NRXN1: variants seen among roughly 807,000 people sequenced by gnomAD.
NRXN1 encodes the protein neurexin-1.
NRXN1 carries 39 observed loss-of-function variants against 150.9 expected under a neutral mutation model. The observed-to-expected ratio is 0.26, with a 90% CI of 0.20 to 0.34. The LOEUF is 0.34. Among genes scored for constraint, NRXN1 ranks in the 10% least tolerant of loss-of-function variants. The probability of loss-of-function intolerance (pLI) is 1.00; values close to 1 mark genes in which losing one functional copy is unlikely to be tolerated. For missense variants in NRXN1, 1,815 were observed against 1,949.9 expected (o/e 0.93, Z 1.30); for synonymous variants, 924 against 757.0 (o/e 1.22, Z -3.62).
chr2:50,888,979 A>G (rs190794731), intron 5 of NRXN1, among the ~76,000 whole-genome samples: 103 of 151,826 alleles, frequency 6.8e-4, no homozygotes, highest in African/African-American at 2.4e-3. Flanking sequence ...TCAGATTATA[A>G]TATGTTTAAT....
Position 50,971,531 on chromosome 2 carries a change from C to A in NRXN1, c.773-45576G>T, listed in dbSNP as rs571496285. Among the ~76,000 whole-genome samples the A allele has an allele frequency of 3.2e-4, 49 of 151,680 alleles. No homozygotes were observed. The South Asian group carries it at 8.3e-3, about 26-fold the overall frequency. On this transcript the variant is annotated intron_variant, in intron 2 of 22. Coordinates refer to ENST00000401669, the MANE Select transcript of NRXN1 (RefSeq NM_001330078.2). ...CCAGGAGGAGGAGGTTGCGGTGAGCCGAGATTGTGTCATTGCACTCCAGCC... is the reference window on the plus strand; with the variant it reads ...CCAGGAGGAGGAGGTTGCGGTGAGCAGAGATTGTGTCATTGCACTCCAGCC...
intron 2 of NRXN1, among the ~76,000 whole-genome samples, chr2:51,003,469 A>C (rs2105112439): frequency 6.6e-6 from 1 of 152,126 alleles, no homozygotes; most frequent in South Asian, 2.1e-4. Context: ...CCTCCTTTCC[A>C]AAAATTAATA....
At chr2:50,180,074 T>C (rs947815255) in intron 18 of NRXN1, among the ~76,000 whole-genome samples, 1 of 152,180 alleles carries the variant, frequency 6.6e-6, no homozygotes, top group South Asian at 2.1e-4. Context: ...CTGGCTGGAG[T>C]GCAGTGGTTC....
chr2:50,110,561 A>C (rs1466410142), intron 18 of NRXN1, among the ~76,000 whole-genome samples: 3 of 152,082 alleles, frequency 2.0e-5, no homozygotes, highest in Admixed American at 2.0e-4. Flanking sequence ...ACAACCTTCA[A>C]AATAAAAAAT....
chr2:50,213,467 T>G (rs895420364), intron 18 of NRXN1, among the ~76,000 whole-genome samples: 7 of 151,892 alleles, frequency 4.6e-5, no homozygotes, highest in African/African-American at 1.7e-4. Context: ...GCTTGTGAAT[T>G]TCTGCTATAA....
chr2:50,681,919 G>A (rs773546600), intron 5 of NRXN1, among the ~76,000 whole-genome samples: 1 of 152,222 alleles, frequency 6.6e-6, no homozygotes, highest in Non-Finnish European at 1.5e-5. Context: ...CTTTGGCATG[G>A]CACTTATCTT....
intron 17 of NRXN1, among the ~76,000 whole-genome samples, chr2:50,256,388 C>T (rs2067704139): frequency 6.6e-6 from 1 of 152,052 alleles, no homozygotes; most frequent in African/African-American, 2.4e-5. Context: ...ACACCATCAA[C>T]AGAATTTTAT....
intron 2 of NRXN1, among the ~76,000 whole-genome samples, chr2:50,927,767 A>G (rs1014729501): frequency 1.3e-5 from 2 of 152,032 alleles, no homozygotes; most frequent in Non-Finnish European, 2.9e-5. Flanking sequence ...GTGCCAAGAC[A>G]GTATGTCAAT....
At chr2:50,008,657 C>T (rs1481785074) in intron 21 of NRXN1, among the ~76,000 whole-genome samples, 4 of 151,926 alleles carry the variant, frequency 2.6e-5, no homozygotes, top group Non-Finnish European at 5.9e-5. Flanking sequence ...AATTAATTGA[C>T]AAAATTTTCT....
rs549747468 is a variant in NRXN1 at position 50,100,252 on chromosome 2, G to A, written c.3547-8758C>T. 2.8e-3 allele frequency among the ~76,000 whole-genome samples: 422 copies of A among 152,130 alleles called. 2 individuals carry two copies. Among genetic ancestry groups the A allele is most frequent in the African/African-American group, 9.6e-3 (400 of 41,536 alleles). On this transcript the variant is annotated intron_variant, in intron 18 of 22. Coordinates refer to ENST00000401669, the MANE Select transcript of NRXN1 (RefSeq NM_001330078.2). Reference sequence around the variant, plus strand: ...TCCCAAGAAAGTATAATCTCTGATGGAAGCGCTTGCCATTATTGGGAAGAG... The same window carrying A: ...TCCCAAGAAAGTATAATCTCTGATGAAAGCGCTTGCCATTATTGGGAAGAG...
chr2:50,262,888 T>C (rs2068436427), intron 17 of NRXN1, among the ~76,000 whole-genome samples: 9 of 152,066 alleles, frequency 5.9e-5, no homozygotes, highest in Admixed American at 5.9e-4. Context: ...TGTGTTCTTA[T>C]GTGTTGGAGT....
At chr2:50,928,317 T>C (rs975584420) in intron 2 of NRXN1, among the ~76,000 whole-genome samples, 18 of 152,018 alleles carry the variant, frequency 1.2e-4, no homozygotes, top group Non-Finnish European at 2.4e-4. Context: ...GAGCAGACTT[T>C]CCTTGAGTTT....
chr2:50,362,051 C>T (rs1365666335), intron 17 of NRXN1, among the ~76,000 whole-genome samples: 2 of 150,936 alleles, frequency 1.3e-5, no homozygotes, highest in Non-Finnish European at 2.9e-5. Flanking sequence ...ATTCAACAGC[C>T]CTTCATGCTA....
intron 12 of NRXN1, among the ~76,000 whole-genome samples, chr2:50,514,691 T>G (rs1309782948): frequency 6.6e-6 from 1 of 152,180 alleles, no homozygotes; most frequent in Non-Finnish European, 1.5e-5. Flanking sequence ...GTGGCTGTGT[T>G]TCAGTAAAGC....
chr2:50,072,012 G>T (rs1696357916), intron 19 of NRXN1, among the ~76,000 whole-genome samples: 1 of 152,052 alleles, frequency 6.6e-6, no homozygotes, highest in Non-Finnish European at 1.5e-5. Context: ...TTTTTTGCAT[G>T]ACTAAAACTA....
intron 5 of NRXN1, among the ~76,000 whole-genome samples, chr2:50,683,757 G>T (rs771634077): frequency 2.0e-5 from 3 of 147,884 alleles, no homozygotes; most frequent in Non-Finnish European, 4.5e-5. Flanking sequence ...CCAAAGGACT[G>T]ACTGTATTAC....
intron 22 of NRXN1, among the ~76,000 whole-genome samples, chr2:49,938,558 A>G (rs1671439609): frequency 6.6e-6 from 1 of 151,864 alleles, no homozygotes; most frequent in Non-Finnish European, 1.5e-5. Context: ...TTATTATTCA[A>G]TGGAACTCTT....
At position 50,502,564 on chromosome 2, in the gene NRXN1, C is replaced by T. The variant is rs540987276; in HGVS notation, c.2497+3931G>A. Among the ~76,000 whole-genome samples the T allele has an allele frequency of 1.8e-4, 27 of 152,066 alleles. 1 individual carries two copies. In the South Asian group the frequency reaches 5.6e-3, roughly 32 times the overall value. ...AATATAAGAAGTGGTACGGGAAAAG[C>T]AATTTTGAAACTATTTTAGATGCAT... On this transcript the variant is annotated intron_variant, in intron 13 of 22. Coordinates refer to ENST00000401669, the MANE Select transcript of NRXN1 (RefSeq NM_001330078.2).
At chr2:50,021,131 G>A (rs1687499874) in intron 21 of NRXN1, among the ~76,000 whole-genome samples, 1 of 152,192 alleles carries the variant, frequency 6.6e-6, no homozygotes. Flanking sequence ...TTGAATTCCA[G>A]TAAGCACTTT....
Sources: allele counts gnomAD v4.1 joint callset (sites outside exome capture counted in the v4.1 genomes callset), GRCh38; gene constraint gnomAD v4.1.1; transcripts MANE v1.5; gene names NCBI Gene and HGNC (gene_info 2026-07-23, HGNC 2026-07-21).